BLTP3B: variants seen among roughly 807,000 people sequenced by gnomAD.
The protein encoded by BLTP3B is bridge-like lipid transfer protein family member 3B.
chr12:100,039,714 T>A, the BLTP3B span: 2 of 1,614,072 alleles, frequency 1.2e-6, no homozygotes, highest in South Asian at 1.1e-5. Flanking sequence ...CAGATCATAC[T>A]TTCCACTGGT....
the BLTP3B span, chr12:100,128,651 AGACTCCTCTGGTACTCATTT>A: frequency 1.6e-6 from 2 of 1,287,778 alleles, no homozygotes; most frequent in Admixed American, 4.6e-5. Flanking sequence ...AGGGTTTCTT[AGACTCCTCTGGTACTCATTT>A]GGGTGATTAT....
chr12:100,091,165 C>T, the BLTP3B span, among the ~76,000 whole-genome samples: 1 of 145,450 alleles, frequency 6.9e-6, no homozygotes, highest in Non-Finnish European at 1.5e-5. Context: ...TATAGGCGTG[C>T]ACCATCACGC....
At chr12:100,073,430 C>A in the BLTP3B span, among the ~76,000 whole-genome samples, 12 of 150,430 alleles carry the variant, frequency 8.0e-5, no homozygotes, top group South Asian at 2.1e-3. Flanking sequence ...AAACTCCTGA[C>A]CTCAAGCAAT....
the BLTP3B span, among the ~76,000 whole-genome samples, chr12:100,065,879 C>A: frequency 2.0e-5 from 3 of 152,122 alleles, no homozygotes; most frequent in Non-Finnish European, 2.9e-5. Flanking sequence ...TGACCTACTC[C>A]CTGTTCATAC....
At chr12:100,095,969 T>G in the BLTP3B span, 31 of 936,666 alleles carry the variant, frequency 3.3e-5, no homozygotes, top group Admixed American at 7.0e-5. Flanking sequence ...AAGTATTTAC[T>G]GGCCGGGCAC....
At chr12:100,106,556 T>A in the BLTP3B span, among the ~76,000 whole-genome samples, 1 of 152,134 alleles carries the variant, frequency 6.6e-6, no homozygotes, top group African/African-American at 2.4e-5. Flanking sequence ...ACTATGGGTA[T>A]GCAAAGGCAT....
the BLTP3B span, among the ~76,000 whole-genome samples, chr12:100,064,552 C>A: frequency 6.6e-6 from 1 of 152,110 alleles, no homozygotes; most frequent in African/African-American, 2.4e-5. Flanking sequence ...CACCAGGTAA[C>A]CTGTAAGGGA....
chr12:100,080,994 A>G, the BLTP3B span, among the ~76,000 whole-genome samples: 1 of 152,102 alleles, frequency 6.6e-6, no homozygotes, highest in South Asian at 2.1e-4. Flanking sequence ...GTGGTAGTGA[A>G]TGAGTCTCAT....
the BLTP3B span, among the ~76,000 whole-genome samples, chr12:100,083,578 CAACTT>C: frequency 6.7e-4 from 102 of 151,660 alleles, no homozygotes; most frequent in African/African-American, 2.2e-3. Flanking sequence ...TGAATGCTCC[CAACTT>C]AACTAATAAA....
the BLTP3B span, chr12:100,103,835 C>A: frequency 8.1e-7 from 1 of 1,228,912 alleles, no homozygotes; most frequent in Non-Finnish European, 1.1e-6. Flanking sequence ...TTCCATGAAA[C>A]AAAAGATTAC....
the BLTP3B span, among the ~76,000 whole-genome samples, chr12:100,076,308 C>T: frequency 3.3e-5 from 5 of 150,202 alleles, no homozygotes; most frequent in South Asian, 2.1e-4. Flanking sequence ...ATTCAATAGA[C>T]GTGTATATGT....
chr12:100,060,107 A>C, the BLTP3B span: 1 of 1,242,302 alleles, frequency 8.0e-7, no homozygotes, highest in African/African-American at 1.6e-5. Context: ...CCCTGAGAAC[A>C]AAAAATACAT....
chr12:100,045,812 T>C, the BLTP3B span, among the ~76,000 whole-genome samples: 4 of 151,970 alleles, frequency 2.6e-5, no homozygotes, highest in African/African-American at 4.8e-5. Flanking sequence ...TGGGAGAAAA[T>C]TTTTGCAGTC....
the BLTP3B span, among the ~76,000 whole-genome samples, chr12:100,094,927 T>C: frequency 6.6e-6 from 1 of 152,328 alleles, no homozygotes; most frequent in African/African-American, 2.4e-5. Context: ...ATATCTGAGA[T>C]GTATAACACT....
the BLTP3B span, chr12:100,057,618 T>C: frequency 1.2e-6 from 2 of 1,612,162 alleles, no homozygotes; most frequent in African/African-American, 2.7e-5. Context: ...TTCTAATAAC[T>C]GTTCTTCCAA....
the BLTP3B span, chr12:100,108,360 T>C: frequency 1.3e-6 from 2 of 1,594,362 alleles, no homozygotes; most frequent in Admixed American, 1.8e-5. Flanking sequence ...TCCACAAATA[T>C]CAAGCCACAG....
At chr12:100,051,285 T>C in the BLTP3B span, 9 of 1,444,446 alleles carry the variant, frequency 6.2e-6, no homozygotes, top group African/African-American at 1.3e-4. Context: ...TAACACTGTA[T>C]GCTTATTTAA....
the BLTP3B span, among the ~76,000 whole-genome samples, chr12:100,067,677 A>T: frequency 6.6e-6 from 1 of 152,188 alleles, no homozygotes; most frequent in Non-Finnish European, 1.5e-5. Context: ...ACAAGCAGCC[A>T]AACTGAAATG....
At chr12:100,056,240 T>C in the BLTP3B span, among the ~76,000 whole-genome samples, 4 of 152,106 alleles carry the variant, frequency 2.6e-5, no homozygotes, top group Non-Finnish European at 5.9e-5. Flanking sequence ...AGGTAGCTTC[T>C]CTTGACCTCC....
Sources: allele counts gnomAD v4.1 joint callset (sites outside exome capture counted in the v4.1 genomes callset), GRCh38; gene constraint gnomAD v4.1.1; transcripts MANE v1.5; gene names NCBI Gene and HGNC (gene_info 2026-07-23, HGNC 2026-07-21).